Variants in FGF7 observed in about 807,000 individuals in gnomAD.
The protein encoded by FGF7 is FGF-7.
A neutral mutation model predicts 20.5 loss-of-function variants in FGF7; 6 were observed. The observed-to-expected ratio is 0.29, with a 90% CI of 0.16 to 0.58. The LOEUF is 0.58. FGF7 is among the 20% of genes least tolerant of loss of function. The pLI is 0.90. For synonymous variants in FGF7, 64 were observed against 74.7 expected, an observed-to-expected ratio of 0.86 and a Z score of 0.74; for missense variants, 144 against 228.8, an observed-to-expected ratio of 0.63 and a Z score of 2.39.
At chr15:49,450,612 A>T (rs2052635119) in intron 2 of FGF7, among the ~76,000 whole-genome samples, 1 of 152,152 alleles carries the variant, frequency 6.6e-6, no homozygotes, top group African/African-American at 2.4e-5. Context: ...CAGTGGTACA[A>T]TTCAAGGGCT....
chr15:49,440,177 T>G (rs1246479103), intron 2 of FGF7, among the ~76,000 whole-genome samples: 1 of 151,840 alleles, frequency 6.6e-6, no homozygotes, highest in Non-Finnish European at 1.5e-5. Flanking sequence ...TTCAGCATAC[T>G]TTTAGTTAAA....
intron 2 of FGF7, among the ~76,000 whole-genome samples, chr15:49,460,709 T>C (rs1470184400): frequency 6.6e-6 from 1 of 152,180 alleles, no homozygotes; most frequent in Non-Finnish European, 1.5e-5. Flanking sequence ...TATATAATAA[T>C]TAAACAATCT....
intron 2 of FGF7, among the ~76,000 whole-genome samples, chr15:49,469,828 T>C (rs2054576985): frequency 6.6e-6 from 1 of 152,154 alleles, no homozygotes; most frequent in African/African-American, 2.4e-5. Context: ...ATTGTCATTA[T>C]CTTTCAATTT....
intron 2 of FGF7, among the ~76,000 whole-genome samples, chr15:49,447,232 G>T (rs1431931984): frequency 6.6e-6 from 1 of 151,554 alleles, no homozygotes; most frequent in African/African-American, 2.4e-5. Flanking sequence ...GCACTATATT[G>T]TTATTTCTTT....
chr15:49,484,646 G>A lies in FGF7; in HGVS notation c.*142G>A. 4 of 480,458 alleles carry A rather than the reference G, an allele frequency of 8.3e-6. No individual in the cohort carries two copies. Among genetic ancestry groups the A allele is most frequent in the Non-Finnish European group, 1.4e-5 (4 of 276,950 alleles). 29.8% of individuals were successfully genotyped at this position (480,458 alleles called of 1,614,324 possible). A position where few individuals can be genotyped will look rare whatever the true frequency, so the allele number is the denominator to read the frequency against. ...AACTACTGAAAAACTGATCAAGCTG[G>A]ACTTGTGCATTTATGTTTGTTTTAA... On this transcript the variant is annotated 3_prime_UTR_variant, in exon 4 of 4. Coordinates refer to ENST00000267843, the MANE Select transcript of FGF7 (RefSeq NM_002009.4).
At position 49,459,618 on chromosome 15, in the gene FGF7, T is replaced by C. The variant is rs372538476; in HGVS notation, c.287-23533T>C. Among the ~76,000 whole-genome samples, 4 of 152,294 alleles carry C rather than the reference T, an allele frequency of 2.6e-5. No individual in the cohort carries two copies. The East Asian group carries it at 7.7e-4, about 29-fold the overall frequency. On this transcript the variant is annotated intron_variant, in intron 2 of 3. Transcript: ENST00000267843. ...TTTGCAAATATTGCTTTTATGTAAA[T>C]TTATAGAGTTTGAGGAATAATTAAA...
At position 49,478,621 on chromosome 15, in the gene FGF7, T is replaced by A. The variant is rs1049208058; in HGVS notation, c.287-4530T>A. On this transcript the variant is annotated intron_variant, in intron 2 of 3. Coordinates refer to ENST00000267843, the MANE Select transcript of FGF7 (RefSeq NM_002009.4). ...GGGTATATTTGATCAAGGACAAGAT[T>A]AAATGTTCTGATTGGCTAACCATCA... 6.6e-5 allele frequency among the ~76,000 whole-genome samples: 10 copies of A among 152,154 alleles called. 1 individual carries two copies. The highest frequency in any genetic ancestry group is 1.5e-4 in the Non-Finnish European group (10 of 68,014).
At chr15:49,475,402 T>C (rs1383463408) in intron 2 of FGF7, among the ~76,000 whole-genome samples, 1 of 152,198 alleles carries the variant, frequency 6.6e-6, no homozygotes, top group African/African-American at 2.4e-5. Context: ...GGTAGTCCTT[T>C]GAAAAGATTT....
rs1207910120 is a variant in FGF7, at chr15:49,488,534, G to A, written c.*4030G>A. ...GAACCAGATATTTACTCTCATCTGG[G>A]AAGATGCCTCTTATGTTTTCCTTTT... is the stretch of plus-strand genomic sequence containing the variant. On this transcript the variant is annotated 3_prime_UTR_variant, in exon 4 of 4. Coordinates refer to ENST00000267843, the MANE Select transcript of FGF7 (RefSeq NM_002009.4). 6.6e-6 allele frequency: 1 copy of A among 151,914 alleles called. No individual in the cohort carries two copies. The highest frequency in any genetic ancestry group is 2.4e-5 in the African/African-American group (1 of 41,382). The allele number at this position is 151,914 out of a possible 1,614,324, so 9.4% of individuals were successfully genotyped here.
At chr15:49,455,623 T>A (rs1038741188) in intron 2 of FGF7, among the ~76,000 whole-genome samples, 4 of 152,154 alleles carry the variant, frequency 2.6e-5, no homozygotes, top group South Asian at 4.1e-4. Context: ...GAAATATTTT[T>A]AACAATTTTT....
chr15:49,485,226 T>C lies in FGF7; in HGVS notation c.*722T>C, dbSNP rs1167303233. The C allele has an allele frequency of 2.6e-5, 4 of 152,216 alleles. No individual in the cohort carries two copies. Among genetic ancestry groups the C allele is most frequent in the Non-Finnish European group, 5.9e-5 (4 of 67,914 alleles). The allele number at this position is 152,216 out of a possible 1,614,324, so 9.4% of individuals were successfully genotyped here. A position where few individuals can be genotyped will look rare whatever the true frequency, so the allele number is the denominator to read the frequency against. On this transcript the variant is annotated 3_prime_UTR_variant, in exon 4 of 4. Coordinates refer to ENST00000267843, the MANE Select transcript of FGF7 (RefSeq NM_002009.4). ...ATAAGATAGCAACAGTGATTGATGA[T>C]AATACTGTACTTCATCTTACTTGCC...
intron 3 of FGF7, among the ~76,000 whole-genome samples, chr15:49,483,791 C>T (rs2056163430): frequency 6.6e-6 from 1 of 152,002 alleles, no homozygotes; most frequent in Admixed American, 6.6e-5. Context: ...ATTCCCACAG[C>T]TAGGCATAAT....
intron 2 of FGF7, among the ~76,000 whole-genome samples, chr15:49,431,048 C>T (rs1448406655): frequency 2.6e-5 from 4 of 151,784 alleles, no homozygotes; most frequent in Non-Finnish European, 5.9e-5. Flanking sequence ...ACAATAACTT[C>T]TCTAACATCA....
chr15:49,454,901 A>C (rs2053133955), intron 2 of FGF7, among the ~76,000 whole-genome samples: 1 of 152,008 alleles, frequency 6.6e-6, no homozygotes, highest in African/African-American at 2.4e-5. Flanking sequence ...GAGCCACTGG[A>C]CCCAGCCATA....
At chr15:49,424,798 C>T (rs548476876) in intron 2 of FGF7, 5 of 367,320 alleles carry the variant, frequency 1.4e-5, no homozygotes, top group East Asian at 1.2e-4. Context: ...ACCTGATAAT[C>T]CAAGCCAATT....
chr15:49,427,314 C>A (rs1227709728), intron 2 of FGF7, among the ~76,000 whole-genome samples: 1 of 151,760 alleles, frequency 6.6e-6, no homozygotes, highest in Non-Finnish European at 1.5e-5. Context: ...AATGAATGGA[C>A]AAATAAATGA....
chr15:49,467,675 T>C (rs2054386024), intron 2 of FGF7, among the ~76,000 whole-genome samples: 1 of 152,166 alleles, frequency 6.6e-6, no homozygotes, highest in Non-Finnish European at 1.5e-5. Context: ...GTGTTGTATT[T>C]AGCAGATGTA....
Position 49,438,299 on chromosome 15 carries a change from T to G in FGF7, c.286+13716T>G, listed in dbSNP as rs138605178. On this transcript the variant is annotated intron_variant, in intron 2 of 3. Coordinates refer to ENST00000267843, the MANE Select transcript of FGF7 (RefSeq NM_002009.4). ...GACCTGGATAGTTAATATCAATTAA[T>G]AACTCAAATATTACTTTGTTAAAAA... 9.9e-4 allele frequency among the ~76,000 whole-genome samples: 151 copies of G among 151,916 alleles called. 1 individual carries two copies. In the East Asian group the frequency reaches 0.028, roughly 28 times the overall value.
At chr15:49,458,659 A>C (rs750066323) in intron 2 of FGF7, among the ~76,000 whole-genome samples, 8 of 152,138 alleles carry the variant, frequency 5.3e-5, no homozygotes, top group Non-Finnish European at 1.0e-4. Flanking sequence ...ACAAATGGGA[A>C]TCTAATACTT....
Sources: allele counts gnomAD v4.1 joint callset (sites outside exome capture counted in the v4.1 genomes callset), GRCh38; gene constraint gnomAD v4.1.1; transcripts MANE v1.5; gene names NCBI Gene and HGNC (gene_info 2026-07-23, HGNC 2026-07-21).